The following CSMD1 variants were observed in gnomAD, a reference collection of about 807,000 sequenced individuals.
CSMD1 encodes the protein CUB and sushi domain-containing protein 1.
CSMD1 carries 213 observed loss-of-function variants against 417.5 expected under a neutral mutation model. That is an observed-to-expected ratio of 0.51 (90% CI 0.46 to 0.57). The LOEUF is 0.57. CSMD1 is among the 20% of genes least tolerant of loss of function. The pLI, the probability that CSMD1 is intolerant of heterozygous loss-of-function variation, is 0.00. For missense variants in CSMD1, 6,923 were observed against 4,529.7 expected, an observed-to-expected ratio of 1.53 and a Z score of -15.17; for synonymous variants, 2,862 against 1,736.8, an observed-to-expected ratio of 1.65 and a Z score of -16.11.
chr8:3,037,133 G>C (rs918187094), intron 50 of CSMD1, among the ~76,000 whole-genome samples: 1 of 152,112 alleles, frequency 6.6e-6, no homozygotes, highest in Admixed American at 6.6e-5. Flanking sequence ...CTCCATCCAA[G>C]TCCCTGCACA....
chr8:2,963,373 C>A lies in CSMD1; in HGVS notation c.9303G>T (p.Pro3101=). 6.2e-7 allele frequency: 1 copy of A among 1,613,882 alleles called. No homozygotes were observed. The part of the protein sequence containing the change: ...VCKAVLCPQP[P]PVQNGTVEGS... ...CCTCCACTGTTCCATTCTGCACCGGCGGCGGCTGAGGACACAGCACGGCTA... is the reference window on the plus strand; with the variant it reads ...CCTCCACTGTTCCATTCTGCACCGGAGGCGGCTGAGGACACAGCACGGCTA... Residue 3101 remains proline (P), a synonymous_variant, in exon 60 of 70, where the codon CCG becomes CCT. Transcript: ENST00000635120.
At chr8:3,978,271 C>G (rs575617378) in intron 5 of CSMD1, among the ~76,000 whole-genome samples, 1 of 152,190 alleles carries the variant, frequency 6.6e-6, no homozygotes, top group African/African-American at 2.4e-5. Context: ...ACATGGGAGC[C>G]TCAGTCACCC....
In CSMD1 at chr8:3,337,970, C is replaced by A. The variant is rs557935144; in HGVS notation, c.3631+5324G>T. Among the ~76,000 whole-genome samples the A allele has an allele frequency of 7.2e-5, 11 of 152,288 alleles. No individual in the cohort carries two copies. The East Asian group carries it at 7.7e-4, about 11-fold the overall frequency. ...GGTTTTCCCTAATGAGCCTCTTCAC[C>A]ACGTCTGAACAGTAGACACTTCTCT... On this transcript the variant is annotated intron_variant, in intron 23 of 69. Coordinates refer to ENST00000635120, the MANE Select transcript of CSMD1 (RefSeq NM_033225.6).
intron 3 of CSMD1, among the ~76,000 whole-genome samples, chr8:4,356,499 T>C (rs956343802): frequency 4.6e-5 from 7 of 152,176 alleles, no homozygotes; most frequent in Admixed American, 4.6e-4. Context: ...GGGAGTGGGA[T>C]TGCTGGATCA....
At chr8:3,105,103 G>A (rs1416085896) in intron 46 of CSMD1, among the ~76,000 whole-genome samples, 1 of 152,158 alleles carries the variant, frequency 6.6e-6, no homozygotes, top group Non-Finnish European at 1.5e-5. Context: ...CCATTTACAG[G>A]GAAGGCAGTT....
chr8:4,434,782 T>C (rs555976756), intron 2 of CSMD1, among the ~76,000 whole-genome samples: 3 of 152,204 alleles, frequency 2.0e-5, no homozygotes, highest in Admixed American at 2.0e-4. Flanking sequence ...CTTTCCACAC[T>C]CCAGACCCTG....
At chr8:3,158,443 G>A (rs892063535) in intron 38 of CSMD1, among the ~76,000 whole-genome samples, 1 of 152,092 alleles carries the variant, frequency 6.6e-6, no homozygotes, top group Admixed American at 6.6e-5. Context: ...ATGACTACCA[G>A]GGTTCAGCAA....
At chr8:3,977,981 C>G (rs564651286) in intron 5 of CSMD1, among the ~76,000 whole-genome samples, 2 of 152,314 alleles carry the variant, frequency 1.3e-5, no homozygotes, top group East Asian at 3.9e-4. Flanking sequence ...TCTACTAGCT[C>G]TTACCATGAG....
intron 3 of CSMD1, among the ~76,000 whole-genome samples, chr8:4,053,192 A>T (rs1210970090): frequency 1.3e-5 from 2 of 152,212 alleles, no homozygotes; most frequent in Admixed American, 6.5e-5. Flanking sequence ...AAGCCTGAAA[A>T]TATAACACGT....
At chr8:4,396,886 G>T (rs1444332430) in intron 3 of CSMD1, among the ~76,000 whole-genome samples, 4 of 152,086 alleles carry the variant, frequency 2.6e-5, no homozygotes, top group South Asian at 2.1e-4. Context: ...GGGGGAAAGG[G>T]TGGGAGGCAG....
intron 5 of CSMD1, among the ~76,000 whole-genome samples, chr8:3,763,541 C>A (rs137865494): frequency 1.3e-5 from 2 of 152,148 alleles, no homozygotes; most frequent in Non-Finnish European, 2.9e-5. Flanking sequence ...TTTCTTCAGG[C>A]CCTTACCAGA....
intron 37 of CSMD1, among the ~76,000 whole-genome samples, chr8:3,169,235 C>A (rs1054188493): frequency 6.6e-6 from 1 of 152,120 alleles, no homozygotes; most frequent in Non-Finnish European, 1.5e-5. Flanking sequence ...CTGTTTACAT[C>A]CTAGGAGAAA....
intron 1 of CSMD1, among the ~76,000 whole-genome samples, chr8:4,857,846 C>G (rs1010856114): frequency 2.0e-5 from 3 of 152,028 alleles, no homozygotes; most frequent in Admixed American, 2.0e-4. Context: ...CAAGGAGGAA[C>G]TGGTACCATT....
At chr8:3,310,975 C>G (rs1285808188) in intron 23 of CSMD1, among the ~76,000 whole-genome samples, 1 of 152,164 alleles carries the variant, frequency 6.6e-6, no homozygotes, top group Non-Finnish European at 1.5e-5. Context: ...TGATGAAAGC[C>G]TGGACTAAGA....
chr8:3,301,821 T>C (rs1804431552), intron 25 of CSMD1, among the ~76,000 whole-genome samples: 1 of 152,090 alleles, frequency 6.6e-6, no homozygotes, highest in Non-Finnish European at 1.5e-5. Flanking sequence ...TTTGGGAAGG[T>C]CAGTTGAGAG....
chr8:3,317,572 A>AAGGGGT (rs1428263803), intron 23 of CSMD1, among the ~76,000 whole-genome samples: 5 of 152,344 alleles, frequency 3.3e-5, no homozygotes, highest in African/African-American at 1.2e-4. Context: ...TAAAAAGCCC[A>AAGGGGT]GAATGACTTA....
At position 4,118,082 on chromosome 8, in the gene CSMD1, G is replaced by A. The variant is rs78200066; in HGVS notation, c.416-85983C>T. Among the ~76,000 whole-genome samples, 1,122 of 152,094 alleles carry A rather than the reference G, an allele frequency of 7.4e-3. 13 individuals carry two copies. The highest frequency in any genetic ancestry group is 0.025 in the African/African-American group (1,057 of 41,492). The stretch of plus-strand genomic sequence containing the variant: ...GGGTGTAACATCGGCCATATGATTA[G>A]ACAAATTATAAGGCTTGTGTGTTTG... On this transcript the variant is annotated intron_variant, in intron 3 of 69. Coordinates refer to ENST00000635120, the MANE Select transcript of CSMD1 (RefSeq NM_033225.6).
chr8:4,286,758 T>G (rs1251716156), intron 3 of CSMD1, among the ~76,000 whole-genome samples: 3 of 152,186 alleles, frequency 2.0e-5, no homozygotes, highest in African/African-American at 7.2e-5. Flanking sequence ...TGATAAATAT[T>G]AGTTTTCTTT....
intron 1 of CSMD1, among the ~76,000 whole-genome samples, chr8:4,644,591 G>A (rs963795405): frequency 7.9e-5 from 12 of 152,152 alleles, no homozygotes; most frequent in African/African-American, 2.4e-5. Context: ...ATTTTTAGTA[G>A]AGACAGGGTT....
Sources: allele counts gnomAD v4.1 joint callset (sites outside exome capture counted in the v4.1 genomes callset), GRCh38; gene constraint gnomAD v4.1.1; transcripts MANE v1.5; gene names NCBI Gene and HGNC (gene_info 2026-07-23, HGNC 2026-07-21).